CNTN4: variants seen among roughly 807,000 people sequenced by gnomAD.
CNTN4 encodes the protein contactin 4.
A neutral mutation model predicts 122.5 loss-of-function variants in CNTN4; 77 were observed. The ratio of observed to expected loss-of-function variants is 0.63; its 90% confidence interval spans 0.52 to 0.76. The LOEUF (loss-of-function observed/expected upper bound fraction) is 0.76, where lower values mean the gene tolerates loss of function less well. CNTN4 is among the 30% of genes least tolerant of loss of function. The pLI is 0.00. For synonymous variants in CNTN4, 512 were observed against 447.0 expected (o/e 1.15, Z -1.83); for missense variants, 1,256 against 1,259.1 (o/e 1.00, Z 0.04).
At chr3:2,729,292 C>CGGT (rs1559437610) in intron 4 of CNTN4, among the ~76,000 whole-genome samples, 1 of 151,886 alleles carries the variant, frequency 6.6e-6, no homozygotes, top group African/African-American at 2.4e-5. Flanking sequence ...TGGCCGGGCG[C>CGGT]GGTGGCTCAC....
At chr3:2,151,560 T>C (rs2035495434) in intron 2 of CNTN4, among the ~76,000 whole-genome samples, 1 of 152,248 alleles carries the variant, frequency 6.6e-6, no homozygotes, top group South Asian at 2.1e-4. Context: ...TTTTGCATAG[T>C]TGTCCTCTCC....
intron 3 of CNTN4, among the ~76,000 whole-genome samples, chr3:2,359,280 C>G (rs902547432): frequency 1.3e-5 from 2 of 151,648 alleles, no homozygotes; most frequent in Non-Finnish European, 2.9e-5. Context: ...TGGAGAGAAC[C>G]GCATACAGCT....
chr3:2,420,685 C>T (rs946254822), intron 3 of CNTN4, among the ~76,000 whole-genome samples: 1 of 152,170 alleles, frequency 6.6e-6, no homozygotes, highest in Non-Finnish European at 1.5e-5. Context: ...ATCTGCCTGC[C>T]TCTGCCTCCC....
At chr3:2,580,374 G>C (rs1226889613) in intron 4 of CNTN4, among the ~76,000 whole-genome samples, 1 of 152,142 alleles carries the variant, frequency 6.6e-6, no homozygotes, top group Non-Finnish European at 1.5e-5. Context: ...AGTTTATCAA[G>C]TTGTAAGAGG....
chr3:2,868,038 A>G (rs932302708), intron 8 of CNTN4, among the ~76,000 whole-genome samples: 5 of 152,106 alleles, frequency 3.3e-5, no homozygotes, highest in Non-Finnish European at 5.9e-5. Flanking sequence ...TCAGGTTTCT[A>G]TTCTTTTTAA....
chr3:2,684,356 T>C (rs1044935996), intron 4 of CNTN4, among the ~76,000 whole-genome samples: 11 of 151,766 alleles, frequency 7.2e-5, no homozygotes, highest in African/African-American at 2.4e-4. Flanking sequence ...GCTAGGGGAG[T>C]AAGGAAACAA....
intron 3 of CNTN4, among the ~76,000 whole-genome samples, chr3:2,383,127 A>T (rs2046093892): frequency 1.3e-5 from 2 of 152,084 alleles, no homozygotes; most frequent in African/African-American, 2.4e-5. Context: ...GAGGACCTTA[A>T]TATGTCTGAC....
chr3:2,160,796 G>T lies in CNTN4; in HGVS notation c.-145+60157G>T, dbSNP rs145621997. 2.5e-3 allele frequency among the ~76,000 whole-genome samples: 373 copies of T among 152,232 alleles called. 5 individuals are homozygous for T. The highest frequency in any genetic ancestry group is 4.4e-3 in the East Asian group (23 of 5,172). On this transcript the variant is annotated intron_variant, in intron 2 of 24. Coordinates refer to ENST00000418658, the MANE Select transcript of CNTN4 (RefSeq NM_175607.3). Reference sequence around the variant, plus strand: ...TACGGTGCGTATTATTAAGTTTGCAGCTCCCCTTGATTTCCATTCGTCACA... The same window carrying T: ...TACGGTGCGTATTATTAAGTTTGCATCTCCCCTTGATTTCCATTCGTCACA...
chr3:2,579,346 G>C (rs1470947209), intron 4 of CNTN4, among the ~76,000 whole-genome samples: 3 of 152,206 alleles, frequency 2.0e-5, no homozygotes, highest in Non-Finnish European at 4.4e-5. Flanking sequence ...TGTGGGATCA[G>C]TGATGCTGCC....
At chr3:2,505,646 G>T (rs1575792431) in intron 3 of CNTN4, among the ~76,000 whole-genome samples, 1 of 152,186 alleles carries the variant, frequency 6.6e-6, no homozygotes, top group East Asian at 1.9e-4. Context: ...TTATGTGGCT[G>T]TGTCACCAAG....
chr3:2,601,394 G>A (rs1231637552), intron 4 of CNTN4, among the ~76,000 whole-genome samples: 1 of 152,116 alleles, frequency 6.6e-6, no homozygotes, highest in Non-Finnish European at 1.5e-5. Flanking sequence ...TGTAAGGAAG[G>A]GATCCAGTTT....
intron 3 of CNTN4, among the ~76,000 whole-genome samples, chr3:2,353,334 A>C (rs1053121514): frequency 6.6e-6 from 1 of 152,178 alleles, no homozygotes; most frequent in Non-Finnish European, 1.5e-5. Context: ...AAATGGACCA[A>C]TCATCAGGAT....
intron 4 of CNTN4, among the ~76,000 whole-genome samples, chr3:2,662,603 G>C (rs1559359782): frequency 6.6e-6 from 1 of 152,180 alleles, no homozygotes. Flanking sequence ...TGCAAGGATG[G>C]GGAAAGGGTT....
intron 3 of CNTN4, among the ~76,000 whole-genome samples, chr3:2,355,971 C>A (rs926036374): frequency 2.0e-5 from 3 of 152,182 alleles, no homozygotes; most frequent in African/African-American, 7.2e-5. Flanking sequence ...TCCTTCCTGC[C>A]TTCCAGACCT....
At chr3:2,706,704 G>T (rs910726636) in intron 4 of CNTN4, among the ~76,000 whole-genome samples, 1 of 152,218 alleles carries the variant, frequency 6.6e-6, no homozygotes, top group East Asian at 1.9e-4. Flanking sequence ...GGGTGCTAAA[G>T]AACAATTCTC....
intron 4 of CNTN4, among the ~76,000 whole-genome samples, chr3:2,578,557 A>G (rs1185189987): frequency 6.6e-6 from 1 of 152,206 alleles, no homozygotes; most frequent in Non-Finnish European, 1.5e-5. Context: ...ATAATTCACA[A>G]TTCTACCCAT....
At chr3:2,968,962 G>A (rs896713806) in intron 13 of CNTN4, among the ~76,000 whole-genome samples, 1 of 152,142 alleles carries the variant, frequency 6.6e-6, no homozygotes, top group African/African-American at 2.4e-5. Context: ...AGGCATTTTT[G>A]ACAACTTTAT....
chr3:2,517,602 C>G (rs965252300), intron 3 of CNTN4, among the ~76,000 whole-genome samples: 1 of 152,168 alleles, frequency 6.6e-6, no homozygotes, highest in African/African-American at 2.4e-5. Context: ...TTACCAAGCA[C>G]TTTGTCCAGA....
chr3:2,361,411 A>G (rs918139702), intron 3 of CNTN4, among the ~76,000 whole-genome samples: 1 of 152,204 alleles, frequency 6.6e-6, no homozygotes, highest in Non-Finnish European at 1.5e-5. Context: ...GGTAGCTGCC[A>G]GGTATCCTGC....
Sources: allele counts gnomAD v4.1 joint callset (sites outside exome capture counted in the v4.1 genomes callset), GRCh38; gene constraint gnomAD v4.1.1; transcripts MANE v1.5; gene names NCBI Gene and HGNC (gene_info 2026-07-23, HGNC 2026-07-21).